The following ANKRD30A variants were observed in gnomAD, a reference collection of about 807,000 sequenced individuals.
ANKRD30A encodes ankyrin repeat domain 30A.
In ANKRD30A, 170 loss-of-function variants were observed where a neutral mutation model predicts 166.3. That is an observed-to-expected ratio of 1.02 (90% CI 0.90 to 1.16). The LOEUF (loss-of-function observed/expected upper bound fraction) is 1.16, where lower values mean the gene tolerates loss of function less well. Ranked by LOEUF, ANKRD30A falls within the 50% of genes most tolerant of loss-of-function variation. The pLI is 0.00. For missense variants in ANKRD30A, 1,630 were observed against 1,518.0 expected (o/e 1.07, Z -1.23); for synonymous variants, 564 against 508.9 (o/e 1.11, Z -1.46).
At chr10:37,209,644 T>G (rs1842175503) in intron 31 of ANKRD30A, among the ~76,000 whole-genome samples, 1 of 152,204 alleles carries the variant, frequency 6.6e-6, no homozygotes, top group Non-Finnish European at 1.5e-5. Flanking sequence ...ATACTTTCTT[T>G]TATTTTAGGA....
intron 12 of ANKRD30A, among the ~76,000 whole-genome samples, chr10:37,152,987 A>C (rs1381316231): frequency 6.6e-6 from 1 of 152,124 alleles, no homozygotes; most frequent in Non-Finnish European, 1.5e-5. Flanking sequence ...CATTCTATTC[A>C]AGCACTTTTT....
chr10:37,197,529 C>A (rs1348032697), intron 29 of ANKRD30A, 49 bp downstream of exon 29: 1 of 1,609,274 alleles, frequency 6.2e-7, no homozygotes, highest in East Asian at 2.2e-5. Context: ...CAATATTGAA[C>A]ATTTTGATGG....
At chr10:37,156,885 C>T (rs1440822481) in intron 13 of ANKRD30A, among the ~76,000 whole-genome samples, 1 of 152,040 alleles carries the variant, frequency 6.6e-6, no homozygotes, top group Non-Finnish European at 1.5e-5. Context: ...TTTTCTAACA[C>T]ACATACATGC....
intron 15 of ANKRD30A, among the ~76,000 whole-genome samples, chr10:37,159,825 G>A (rs1385555339): frequency 6.6e-6 from 1 of 152,086 alleles, no homozygotes. Flanking sequence ...CTCCCGAGTA[G>A]CTGGGACTCC....
intron 18 of ANKRD30A, among the ~76,000 whole-genome samples, chr10:37,166,133 C>T (rs915230473): frequency 6.6e-6 from 1 of 152,152 alleles, no homozygotes; most frequent in African/African-American, 2.4e-5. Flanking sequence ...CTATGACAGA[C>T]TCTAAAAGTT....
chr10:37,165,991 T>A (rs1839297782), intron 18 of ANKRD30A, among the ~76,000 whole-genome samples: 1 of 152,128 alleles, frequency 6.6e-6, no homozygotes, highest in Admixed American at 6.6e-5. Flanking sequence ...GTGACATAAC[T>A]TTTTTCTTAC....
intron 32 of ANKRD30A, 136 bp downstream of exon 32, chr10:37,216,530 T>C (rs1842618376): frequency 9.4e-6 from 7 of 748,192 alleles, no homozygotes; most frequent in Non-Finnish European, 1.4e-5. Flanking sequence ...TGTCAAATTC[T>C]TTAAATAATA....
chr10:37,240,896 C>T, the ANKRD30A span: 1 of 152,100 alleles, frequency 6.6e-6, no homozygotes, highest in African/African-American at 2.4e-5. Context: ...CGGATTATCT[C>T]ATCTTCATCC....
At chr10:37,152,608 A>T (rs554076355) in intron 12 of ANKRD30A, among the ~76,000 whole-genome samples, 1 of 152,306 alleles carries the variant, frequency 6.6e-6, no homozygotes, top group Admixed American at 6.5e-5. Flanking sequence ...ATCTGAAGGA[A>T]CATTTCAGCA....
chr10:37,136,769 G>A, intron 6 of ANKRD30A, 98 bp downstream of exon 6: 1 of 604,756 alleles, frequency 1.7e-6, no homozygotes, highest in South Asian at 2.2e-5. Flanking sequence ...TGTGTAAATA[G>A]CATGTGTTTA....
chr10:37,252,703 G>A, the ANKRD30A span, among the ~76,000 whole-genome samples: 1 of 149,716 alleles, frequency 6.7e-6, no homozygotes, highest in African/African-American at 2.5e-5. Flanking sequence ...TTTACTAACT[G>A]TGTGACCTTG....
At chr10:37,257,942 A>C in the ANKRD30A span, among the ~76,000 whole-genome samples, 1 of 152,126 alleles carries the variant, frequency 6.6e-6, no homozygotes, top group Non-Finnish European at 1.5e-5. Flanking sequence ...AGGGAGGGAA[A>C]CATCACACTC....
At chr10:37,225,805 T>G (rs1843120973) in intron 34 of ANKRD30A, among the ~76,000 whole-genome samples, 1 of 151,860 alleles carries the variant, frequency 6.6e-6, no homozygotes, top group Non-Finnish European at 1.5e-5. Context: ...TCGGTAACAA[T>G]TTTAGTGAGA....
chr10:37,231,580 T>G lies in ANKRD30A; in HGVS notation c.*111T>G. 3 of 805,104 alleles carry G rather than the reference T, an allele frequency of 3.7e-6. No individual in the cohort carries two copies. The highest frequency in any genetic ancestry group is 3.8e-6 in the Non-Finnish European group (2 of 531,208). 49.9% of individuals were successfully genotyped at this position (805,104 alleles called of 1,614,324 possible). On this transcript the variant is annotated 3_prime_UTR_variant, in exon 35 of 36. Transcript: ENST00000361713. The stretch of plus-strand genomic sequence containing the variant: ...CACCTTATGTTGAAAATCTTACCAA[T>G]AGTCTGTGTCAACAGAATACTTATT...
chr10:37,219,980 T>G, intron 34 of ANKRD30A, 83 bp downstream of exon 34: 1 of 432,874 alleles, frequency 2.3e-6, no homozygotes, highest in Non-Finnish European at 3.5e-6. Flanking sequence ...AAATGCTGAA[T>G]CTAGTTGAAT....
chr10:37,234,436 A>G (rs544817431), downstream of ANKRD30A, among the ~76,000 whole-genome samples: 12 of 152,316 alleles, frequency 7.9e-5, no homozygotes, highest in Admixed American at 3.9e-4. Context: ...TTAATGAAAG[A>G]TAAGACTTAG....
chr10:37,140,241 T>C (rs533281981), intron 6 of ANKRD30A, among the ~76,000 whole-genome samples: 26 of 152,342 alleles, frequency 1.7e-4, no homozygotes, highest in African/African-American at 6.3e-4. Flanking sequence ...ATCTGTCTGT[T>C]AGTGGGCTCC....
chr10:37,135,434 T>C (rs1836621327), intron 5 of ANKRD30A: 1 of 152,200 alleles, frequency 6.6e-6, no homozygotes, highest in Non-Finnish European at 1.5e-5. Context: ...AGTATTGCAA[T>C]TGTGATTTTC....
At chr10:37,222,385 TCTTA>T (rs1842939627) in intron 34 of ANKRD30A, among the ~76,000 whole-genome samples, 1 of 151,440 alleles carries the variant, frequency 6.6e-6, no homozygotes, top group African/African-American at 2.4e-5. Flanking sequence ...GAGTGGCTTC[TCTTA>T]CTTAGCATAG....
Sources: allele counts gnomAD v4.1 joint callset (sites outside exome capture counted in the v4.1 genomes callset), GRCh38; gene constraint gnomAD v4.1.1; transcripts MANE v1.5; gene names NCBI Gene and HGNC (gene_info 2026-07-23, HGNC 2026-07-21).